Variants in CNBD1 observed in about 807,000 individuals in gnomAD.
The protein encoded by CNBD1 is cyclic nucleotide binding domain containing 1.
A neutral mutation model predicts 54.4 loss-of-function variants in CNBD1; 71 were observed. That is an observed-to-expected ratio of 1.30 (90% CI 1.08 to 1.59). The LOEUF (loss-of-function observed/expected upper bound fraction) is 1.59, where lower values mean the gene tolerates loss of function less well. CNBD1 is among the 40% of genes most tolerant of loss of function. The pLI is 0.00. For synonymous variants in CNBD1, 182 were observed against 170.7 expected (o/e 1.07, Z -0.51); for missense variants, 659 against 518.0 (o/e 1.27, Z -2.64).
chr8:87,094,755 G>A (rs1811283637), intron 4 of CNBD1, among the ~76,000 whole-genome samples: 1 of 152,092 alleles, frequency 6.6e-6, no homozygotes, highest in Non-Finnish European at 1.5e-5. Context: ...AATAATTTAT[G>A]GGCCAGGTGC....
intron 4 of CNBD1, among the ~76,000 whole-genome samples, chr8:87,179,450 G>T (rs1309495290): frequency 6.6e-6 from 1 of 152,126 alleles, no homozygotes; most frequent in Non-Finnish European, 1.5e-5. Context: ...TCTAAATGTA[G>T]ATCTTCTACT....
At chr8:87,382,576 G>T (rs373172209) in intron 10 of CNBD1, 44 bp from the exon 11 acceptor site, 3 of 1,496,868 alleles carry the variant, frequency 2.0e-6, no homozygotes, top group Admixed American at 2.0e-5. Flanking sequence ...CCAAAAATGA[G>T]TATTTATTAT....
intron 6 of CNBD1, among the ~76,000 whole-genome samples, chr8:87,238,278 C>T (rs1016741763): frequency 2.6e-5 from 4 of 152,072 alleles, no homozygotes; most frequent in African/African-American, 9.7e-5. Context: ...ACTGTGATAG[C>T]TCTTACTGCA....
chr8:87,050,081 G>T (rs1221785337), intron 4 of CNBD1, among the ~76,000 whole-genome samples: 1 of 152,104 alleles, frequency 6.6e-6, no homozygotes, highest in Non-Finnish European at 1.5e-5. Flanking sequence ...AGGATTTTTG[G>T]GCCTCAGATT....
chr8:87,220,499 G>GTTT (rs111608836), intron 5 of CNBD1, among the ~76,000 whole-genome samples: 3 of 126,648 alleles, frequency 2.4e-5, no homozygotes, highest in East Asian at 5.0e-4. Flanking sequence ...AACTGTCCAA[G>GTTT]TTTTTTTTTT....
intron 3 of CNBD1, among the ~76,000 whole-genome samples, chr8:86,918,680 C>A (rs1809224692): frequency 6.6e-6 from 1 of 151,748 alleles, no homozygotes; most frequent in Admixed American, 6.6e-5. Flanking sequence ...ATTGTGAGGC[C>A]TCCCCAGCCA....
chr8:87,286,739 T>C lies in CNBD1; in HGVS notation c.1042+68T>C, dbSNP rs193040842. 5 of 1,050,950 alleles carry C rather than the reference T, an allele frequency of 4.8e-6. No homozygotes were observed. In the African/African-American group the frequency reaches 8.1e-5, roughly 17 times the overall value. The allele number at this position is 1,050,950 out of a possible 1,614,324, so 65.1% of individuals were successfully genotyped here. A position where few individuals can be genotyped will look rare whatever the true frequency, so the allele number is the denominator to read the frequency against. On this transcript the variant is annotated intron_variant, in intron 8 of 10. Coordinates refer to ENST00000518476, the MANE Select transcript of CNBD1 (RefSeq NM_173538.3). ...ATATTATTGGAATTGAAATTCTTCA[T>C]AGTTGTAATATTTTATACAATATTT...
intron 4 of CNBD1, among the ~76,000 whole-genome samples, chr8:86,949,838 C>A (rs1419668226): frequency 6.6e-6 from 1 of 151,638 alleles, no homozygotes; most frequent in Non-Finnish European, 1.5e-5. Context: ...TCAGTATGTA[C>A]CAGCATGGGT....
intron 8 of CNBD1, among the ~76,000 whole-genome samples, chr8:87,315,278 C>G (rs1360231788): frequency 6.6e-6 from 1 of 151,996 alleles, no homozygotes; most frequent in Non-Finnish European, 1.5e-5. Context: ...TGTGATAACA[C>G]TGCTATAAAA....
intron 10 of CNBD1, among the ~76,000 whole-genome samples, chr8:87,372,664 A>C (rs182786423): frequency 9.4e-4 from 142 of 150,472 alleles, no homozygotes; most frequent in Admixed American, 2.0e-3. Flanking sequence ...ATTTGTCCAC[A>C]AATAAGTGGC....
At chr8:87,025,363 C>T (rs1809617885) in intron 4 of CNBD1, among the ~76,000 whole-genome samples, 1 of 152,196 alleles carries the variant, frequency 6.6e-6, no homozygotes, top group Admixed American at 6.5e-5. Flanking sequence ...ATAAATCTTG[C>T]TGCTGCTCAC....
At chr8:87,319,853 G>A (rs541162853) in intron 8 of CNBD1, among the ~76,000 whole-genome samples, 1 of 152,180 alleles carries the variant, frequency 6.6e-6, no homozygotes, top group Admixed American at 6.6e-5. Context: ...TAAAGGTAAT[G>A]TGTATGAGCC....
intron 10 of CNBD1, among the ~76,000 whole-genome samples, chr8:87,370,391 G>C (rs1810753710): frequency 6.6e-6 from 1 of 152,092 alleles, no homozygotes; most frequent in Non-Finnish European, 1.5e-5. Context: ...AGCACCTGTT[G>C]TTTCCTGACT....
At chr8:87,245,003 G>T (rs183877794) in intron 6 of CNBD1, among the ~76,000 whole-genome samples, 27 of 152,090 alleles carry the variant, frequency 1.8e-4, no homozygotes, top group African/African-American at 6.0e-4. Context: ...ATATTCAAAT[G>T]TTCAAAACTA....
intron 4 of CNBD1, among the ~76,000 whole-genome samples, chr8:87,142,407 GT>G (rs1326056019): frequency 5.3e-5 from 8 of 152,084 alleles, no homozygotes; most frequent in Non-Finnish European, 7.4e-5. Flanking sequence ...ATTGGGGACC[GT>G]TTGGTTGAAA....
At chr8:87,291,536 A>G (rs1808785724) in intron 8 of CNBD1, among the ~76,000 whole-genome samples, 1 of 152,080 alleles carries the variant, frequency 6.6e-6, no homozygotes. Flanking sequence ...ACAGTGTAAG[A>G]ATCACCCTTA....
chr8:87,007,866 T>G (rs1227793631), intron 4 of CNBD1, among the ~76,000 whole-genome samples: 1 of 152,062 alleles, frequency 6.6e-6, no homozygotes, highest in Non-Finnish European at 1.5e-5. Flanking sequence ...TGATTTACTG[T>G]TTTTTGTCCT....
chr8:87,205,959 G>A (rs1563507230), intron 4 of CNBD1, 34 bp from the exon 5 acceptor site: 1 of 1,430,756 alleles, frequency 7.0e-7, no homozygotes, highest in East Asian at 2.6e-5. Flanking sequence ...TTTATGCCAT[G>A]GTCTCTGAAT....
intron 5 of CNBD1, among the ~76,000 whole-genome samples, chr8:87,231,765 A>AT (rs1305469076): frequency 6.6e-6 from 1 of 152,000 alleles, no homozygotes; most frequent in African/African-American, 2.4e-5. Context: ...CTGACACTTT[A>AT]TTTTTTAAGG....
Sources: gnomAD v4.1 joint callset for allele counts (sites outside exome capture counted in the v4.1 genomes callset) on GRCh38, gnomAD v4.1.1 for gene constraint, MANE v1.5 for transcripts, NCBI Gene and HGNC (gene_info 2026-07-23, HGNC 2026-07-21) for gene names.